The following CUL1 variants were observed in gnomAD, a reference collection of about 807,000 sequenced individuals.
The protein encoded by CUL1 is cullin 1.
CUL1 carries 24 observed loss-of-function variants against 118.0 expected under a neutral mutation model. The ratio of observed to expected loss-of-function variants is 0.20; its 90% CI spans 0.15 to 0.29. The LOEUF is 0.29. CUL1 is among the 10% of genes least tolerant of loss of function. The probability of loss-of-function intolerance (pLI) is 1.00; values close to 1 mark genes in which losing one functional copy is unlikely to be tolerated. For missense variants in CUL1, 361 were observed against 933.8 expected, an observed-to-expected ratio of 0.39 and a Z score of 7.99; for synonymous variants, 332 against 340.4, an observed-to-expected ratio of 0.98 and a Z score of 0.27.
intron 9 of CUL1, among the ~76,000 whole-genome samples, chr7:148,781,360 C>T (rs1288618499): frequency 6.6e-6 from 1 of 152,158 alleles, no homozygotes; most frequent in East Asian, 1.9e-4. Flanking sequence ...GGATTACAGG[C>T]ATGAGCCACC....
At chr7:148,729,850 A>G (rs1223739563) in intron 1 of CUL1, 112 bp from the exon 2 acceptor site, 1 of 335,028 alleles carries the variant, frequency 3.0e-6, no homozygotes, top group Admixed American at 4.7e-5. Context: ...GCACATAGAA[A>G]GAGAAATGGT....
chr7:148,705,575 T>C (rs1475671444), intron 1 of CUL1, among the ~76,000 whole-genome samples: 1 of 152,218 alleles, frequency 6.6e-6, no homozygotes, highest in Admixed American at 6.5e-5. Context: ...AATAGTTACG[T>C]GTGCCTAATA....
At chr7:148,740,417 A>G (rs1799105818) in intron 2 of CUL1, among the ~76,000 whole-genome samples, 1 of 152,202 alleles carries the variant, frequency 6.6e-6, no homozygotes, top group South Asian at 2.1e-4. Context: ...GTACGTTTCA[A>G]TAGTTTCTGG....
At chr7:148,769,360 T>A (rs1800126327) in intron 9 of CUL1, among the ~76,000 whole-genome samples, 1 of 149,640 alleles carries the variant, frequency 6.7e-6, no homozygotes, top group Non-Finnish European at 1.5e-5. Context: ...TTTTATGACT[T>A]TATTTCCAAG....
chr7:148,777,720 G>A (rs1168339435), intron 9 of CUL1, among the ~76,000 whole-genome samples: 1 of 151,986 alleles, frequency 6.6e-6, no homozygotes, highest in East Asian at 1.9e-4. Context: ...GAGGCTTTGG[G>A]GGAGGAGCAT....
At position 148,766,669 on chromosome 7, in the gene CUL1, T is replaced by C. The variant is rs761724930; in HGVS notation, c.898T>C (p.Leu300=). The C allele has an allele frequency of 1.2e-5, 20 of 1,613,422 alleles. No individual in the cohort carries two copies. Among genetic ancestry groups the C allele is most frequent in the Non-Finnish European group, 1.6e-5 (19 of 1,179,860 alleles). Residue 300 remains leucine (L), a synonymous_variant, in exon 8 of 22, where the codon TTG becomes CTG. Transcript: ENST00000325222. ...TGAACAAGTCCTCATTGAAAAACAC[T>C]TGGAAATTTTCCACACAGAATTTCA... ...KCEQVLIEKH[L]EIFHTEFQNL... is the part of the protein sequence containing the mutation.
In CUL1 at chr7:148,757,047, G is replaced by A; in HGVS notation, c.380G>A (p.Arg127Gln). The change falls in exon 4 of 22, where the codon CGA (arginine) becomes CAA (glutamine). Residue 127 changes from arginine (R) to glutamine (Q), a missense_variant. Transcript: ENST00000325222. The part of the protein sequence containing the change: ...KFYTQQWEDY[R>Q]FSSKVLNGIC... ...TACACTCAACAATGGGAAGATTATC[G>A]ATTTTCAAGCAAAGTGCTGAATGGA... 6.2e-7 allele frequency: 1 copy of A among 1,609,044 alleles called. No individual in the cohort carries two copies.
At chr7:148,747,158 A>T (rs887751242) in intron 2 of CUL1, among the ~76,000 whole-genome samples, 5 of 152,230 alleles carry the variant, frequency 3.3e-5, no homozygotes, top group Non-Finnish European at 7.3e-5. Flanking sequence ...ACTCTTAAGC[A>T]TATGGAAGCT....
chr7:148,766,778 A>G, intron 8 of CUL1, 55 bp downstream of exon 8: 1 of 1,435,380 alleles, frequency 7.0e-7, no homozygotes, highest in Non-Finnish European at 9.5e-7. Context: ...TAGTTTTGAT[A>G]TTGCTTTTGA....
intron 1 of CUL1, among the ~76,000 whole-genome samples, chr7:148,699,465 G>A (rs1213264636): frequency 6.6e-6 from 1 of 152,112 alleles, no homozygotes. Flanking sequence ...GCGGGACGCC[G>A]GGACCCGTGC....
chr7:148,741,962 T>C (rs1346133498), intron 2 of CUL1, among the ~76,000 whole-genome samples: 3 of 152,236 alleles, frequency 2.0e-5, no homozygotes, highest in Non-Finnish European at 4.4e-5. Context: ...TTCACCCTTA[T>C]TGAAAATCAG....
intron 1 of CUL1, among the ~76,000 whole-genome samples, chr7:148,699,846 C>T (rs1288460347): frequency 6.6e-6 from 1 of 152,052 alleles, no homozygotes; most frequent in African/African-American, 2.4e-5. Flanking sequence ...GCGCCCTGAC[C>T]CTGAGGGTAG....
At chr7:148,716,416 T>C (rs1344978850) in intron 1 of CUL1, among the ~76,000 whole-genome samples, 1 of 152,238 alleles carries the variant, frequency 6.6e-6, no homozygotes, top group African/African-American at 2.4e-5. Flanking sequence ...ATCTGTTGCC[T>C]GCATTCATAA....
chr7:148,782,871 G>C (rs979712388), intron 9 of CUL1, among the ~76,000 whole-genome samples: 1 of 152,192 alleles, frequency 6.6e-6, no homozygotes, highest in Non-Finnish European at 1.5e-5. Flanking sequence ...GTGCTTGGCT[G>C]GGGGTGACCC....
At chr7:148,793,564 G>T (rs750621362) in intron 17 of CUL1, among the ~76,000 whole-genome samples, 4 of 152,164 alleles carry the variant, frequency 2.6e-5, no homozygotes. Flanking sequence ...TTCTGTGCCT[G>T]CCTTCTTTCC....
intron 3 of CUL1, among the ~76,000 whole-genome samples, chr7:148,754,532 G>A (rs866098956): frequency 2.8e-4 from 42 of 152,184 alleles, no homozygotes; most frequent in African/African-American, 9.2e-4. Flanking sequence ...TAGTGCTTTC[G>A]TTAAATTACC....
At chr7:148,752,711 T>G (rs1042903649) in intron 2 of CUL1, among the ~76,000 whole-genome samples, 1 of 152,182 alleles carries the variant, frequency 6.6e-6, no homozygotes, top group Non-Finnish European at 1.5e-5. Flanking sequence ...TGCAGTGGCA[T>G]GATCTCAGCT....
rs1040130321 is a variant in CUL1 at position 148,740,427 on chromosome 7, G to A, written c.140+10165G>A. 1.4e-4 allele frequency among the ~76,000 whole-genome samples: 21 copies of A among 152,138 alleles called. 1 individual carries two copies. Among genetic ancestry groups the A allele is most frequent in the Non-Finnish European group, 1.5e-5 (1 of 68,028 alleles). On this transcript the variant is annotated intron_variant, in intron 2 of 21. Transcript: ENST00000325222. ...AAAGTGTACGTTTCAATAGTTTCTG[G>A]TATATTCACAGATAATGTTCAACTG...
chr7:148,768,933 A>G (rs1451748150), intron 9 of CUL1, among the ~76,000 whole-genome samples: 2 of 152,130 alleles, frequency 1.3e-5, no homozygotes, highest in African/African-American at 4.8e-5. Context: ...TTAGGTTTTT[A>G]AAACAATTTT....
Sources: allele counts gnomAD v4.1 joint callset (sites outside exome capture counted in the v4.1 genomes callset), GRCh38; gene constraint gnomAD v4.1.1; transcripts MANE v1.5; gene names NCBI Gene and HGNC (gene_info 2026-07-23, HGNC 2026-07-21).